Variants in PCDHGB6 observed in about 807,000 individuals in gnomAD.
The protein encoded by PCDHGB6 is protocadherin gamma-B6.
A neutral mutation model predicts 59.1 loss-of-function variants in PCDHGB6; 51 were observed. The ratio of observed to expected loss-of-function variants is 0.86; its 90% CI spans 0.69 to 1.09. The LOEUF is 1.09. PCDHGB6 is among the 50% of genes least tolerant of loss of function. The pLI is 0.00. For missense variants in PCDHGB6, 1,148 were observed against 1,205.1 expected, an observed-to-expected ratio of 0.95 and a Z score of 0.70; for synonymous variants, 466 against 495.1, an observed-to-expected ratio of 0.94 and a Z score of 0.78.
rs1219045744 is a variant in PCDHGB6 at position 141,476,783 on chromosome 5, G to T, written c.2419-18024G>T. The stretch of plus-strand genomic sequence containing the variant: ...GACGGCGTTGGACGGAGGGACCCCA[G>T]CTCTCTCCGCCAGCCTGCCTATTCA... On this transcript the variant is annotated intron_variant, in intron 1 of 3. Transcript: ENST00000520790. The surrounding 1 kb of genome is among the most constrained non-coding windows in gnomAD (Gnocchi z 7.6). 5 of 1,613,392 alleles carry T rather than the reference G, an allele frequency of 3.1e-6. No homozygotes were observed. The highest frequency in any genetic ancestry group is 2.7e-5 in the African/African-American group (2 of 74,930).
chr5:141,419,523 G>T (rs553587727), intron 1 of PCDHGB6: 21 of 1,612,086 alleles, frequency 1.3e-5, no homozygotes, highest in East Asian at 2.2e-5. Flanking sequence ...GTGGGCGACC[G>T]TAACGACAAC....
intron 1 of PCDHGB6, chr5:141,427,973 C>G (rs754410723): frequency 3.1e-6 from 5 of 1,593,936 alleles, no homozygotes; most frequent in Non-Finnish European, 3.4e-6. Flanking sequence ...TGCTGTACCC[C>G]GCGCTGGGGC....
intron 1 of PCDHGB6, among the ~76,000 whole-genome samples, chr5:141,459,755 G>A (rs1383912891): frequency 2.0e-5 from 3 of 152,182 alleles, no homozygotes; most frequent in African/African-American, 7.2e-5. Flanking sequence ...CAATTCTAGT[G>A]GGTGTGTGAT....
At chr5:141,451,004 T>A (rs2098704048) in intron 1 of PCDHGB6, among the ~76,000 whole-genome samples, 1 of 151,474 alleles carries the variant, frequency 6.6e-6, no homozygotes, top group South Asian at 2.1e-4. Flanking sequence ...TTTTTGTATT[T>A]TTTTTAGTAG....
intron 1 of PCDHGB6, among the ~76,000 whole-genome samples, chr5:141,475,556 T>A (rs1420756007): frequency 6.6e-6 from 1 of 152,248 alleles, no homozygotes; most frequent in Non-Finnish European, 1.5e-5. Context: ...CGGCTAATTG[T>A]CTGTCTTCCA....
intron 1 of PCDHGB6, chr5:141,417,942 C>T (rs1324501154): frequency 2.5e-6 from 4 of 1,613,090 alleles, no homozygotes; most frequent in South Asian, 1.1e-5. Context: ...TTCTACCCCA[C>T]GCTGTGTGAG....
Position 141,431,740 on chromosome 5 carries a change from T to C in PCDHGB6, c.2418+21120T>C. 6.2e-7 allele frequency: 1 copy of C among 1,614,230 alleles called. No individual in the cohort carries two copies. Among genetic ancestry groups the C allele is most frequent in the South Asian group, 1.1e-5 (1 of 91,088 alleles). On this transcript the variant is annotated intron_variant, in intron 1 of 3. Transcript: ENST00000520790. This position sits in a 1 kb window ranked among gnomAD's most constrained non-coding sequence, Gnocchi z 4.8. ...TGCAAGCAATGGATAATGCAGGATA[T>C]TCTGCGCGAGCCAAAGTCCTGATCA... is the stretch of plus-strand genomic sequence containing the variant.
chr5:141,466,037 G>T (rs1204301031), intron 1 of PCDHGB6, among the ~76,000 whole-genome samples: 1 of 152,056 alleles, frequency 6.6e-6, no homozygotes, highest in African/African-American at 2.4e-5. Flanking sequence ...CAGGAGAACG[G>T]CATGAACCCA....
chr5:141,450,826 A>ATTTTT (rs764729742), intron 1 of PCDHGB6, among the ~76,000 whole-genome samples: 2 of 134,302 alleles, frequency 1.5e-5, no homozygotes, highest in African/African-American at 2.9e-5. Flanking sequence ...TATTATTATT[A>ATTTTT]TTATTTTTTT....
intron 1 of PCDHGB6, among the ~76,000 whole-genome samples, chr5:141,425,497 CT>C (rs2096879671): frequency 6.6e-6 from 1 of 152,164 alleles, no homozygotes; most frequent in African/African-American, 2.4e-5. Context: ...TAGGCTATAC[CT>C]TTATATTCTC....
chr5:141,489,935 T>C lies in PCDHGB6; in HGVS notation c.2419-4872T>C. On this transcript the variant is annotated intron_variant, in intron 1 of 3. Coordinates refer to ENST00000520790, the MANE Select transcript of PCDHGB6 (RefSeq NM_018926.3). The surrounding 1 kb of genome is among the most constrained non-coding windows in gnomAD (Gnocchi z 4.5). ...GGGACCACCCTTATCTCTGTCATCG[T>C]GCTGGACATCAATGATAATGCTCCA... 1 of 1,614,216 alleles carries C rather than the reference T, an allele frequency of 6.2e-7. No individual in the cohort carries two copies.
At chr5:141,454,428 CAG>C (rs1412897540) in intron 1 of PCDHGB6, among the ~76,000 whole-genome samples, 1 of 152,172 alleles carries the variant, frequency 6.6e-6, no homozygotes, top group Admixed American at 6.5e-5. Flanking sequence ...TATTTAGAGA[CAG>C]AGTTTCACTC....
rs751024373 is a variant in PCDHGB6, at chr5:141,491,801, G to T, written c.2419-3006G>T. 1 of 1,500,844 alleles carries T rather than the reference G, an allele frequency of 6.7e-7. No homozygotes were observed. Among genetic ancestry groups the T allele is most frequent in the Non-Finnish European group, 8.9e-7 (1 of 1,125,292 alleles). 93.0% of individuals were successfully genotyped at this position (1,500,844 alleles called of 1,614,324 possible). ...AACTTGCATCCACTCCTCTCCGGCCGGCTTGGTCGCTGGCTGCGCTCCACC... is the reference window on the plus strand; with the variant it reads ...AACTTGCATCCACTCCTCTCCGGCCTGCTTGGTCGCTGGCTGCGCTCCACC... On this transcript the variant is annotated intron_variant, in intron 1 of 3. Transcript: ENST00000520790. This position sits in a 1 kb window ranked among gnomAD's most constrained non-coding sequence, Gnocchi z 6.9.
intron 1 of PCDHGB6, chr5:141,428,308 G>A (rs2097132099): frequency 1.5e-6 from 1 of 685,734 alleles, no homozygotes; most frequent in Non-Finnish European, 2.6e-6. Context: ...TTACCTGGTC[G>A]TGGCCTTGGC....
At chr5:141,507,447 G>A (rs998019159) in intron 3 of PCDHGB6, among the ~76,000 whole-genome samples, 1 of 152,226 alleles carries the variant, frequency 6.6e-6, no homozygotes, top group Non-Finnish European at 1.5e-5. Flanking sequence ...GCTGACGGAA[G>A]GACAGAGAGA....
In PCDHGB6 at chr5:141,476,802, C is replaced by T; in HGVS notation, c.2419-18005C>T. 2 of 1,613,638 alleles carry T rather than the reference C, an allele frequency of 1.2e-6. No homozygotes were observed. The highest frequency in any genetic ancestry group is 1.7e-6 in the Non-Finnish European group (2 of 1,180,020). On this transcript the variant is annotated intron_variant, in intron 1 of 3. Coordinates refer to ENST00000520790, the MANE Select transcript of PCDHGB6 (RefSeq NM_018926.3). The surrounding 1 kb of genome is among the most constrained non-coding windows in gnomAD (Gnocchi z 7.6). ...ACCCCAGCTCTCTCCGCCAGCCTGC[C>T]TATTCACATCAAGGTGCTGGACGCG... is the stretch of plus-strand genomic sequence containing the variant.
intron 3 of PCDHGB6, among the ~76,000 whole-genome samples, chr5:141,510,660 G>A (rs2099882170): frequency 1.3e-5 from 2 of 152,174 alleles, no homozygotes; most frequent in East Asian, 1.9e-4. Context: ...TTTTGCAGAT[G>A]AGAAAACTGA....
chr5:141,497,775 A>G (rs2099779384), intron 2 of PCDHGB6, among the ~76,000 whole-genome samples: 2 of 152,054 alleles, frequency 1.3e-5, no homozygotes, highest in South Asian at 4.2e-4. Context: ...CCCGACCTCA[A>G]CTGATCCACC....
In PCDHGB6 at chr5:141,408,193, C is replaced by T. The variant is rs1280310689; in HGVS notation, c.-10C>T. ...GAAAAGCGGGGACCCAGCGAGAACCCGAGCGAACGATGGGAGGGAGCTGCG... is the reference window on the plus strand; with the variant it reads ...GAAAAGCGGGGACCCAGCGAGAACCTGAGCGAACGATGGGAGGGAGCTGCG... On this transcript the variant is annotated 5_prime_UTR_variant, in exon 1 of 4. Coordinates refer to ENST00000520790, the MANE Select transcript of PCDHGB6 (RefSeq NM_018926.3). The T allele has an allele frequency of 6.5e-7, 1 of 1,545,210 alleles. No homozygotes were observed. The highest frequency in any genetic ancestry group is 8.7e-7 in the Non-Finnish European group (1 of 1,143,110).
Sources: allele counts gnomAD v4.1 joint callset (sites outside exome capture counted in the v4.1 genomes callset), GRCh38; gene constraint gnomAD v4.1.1; non-coding constraint Gnocchi (gnomAD v3.1); transcripts MANE v1.5; gene names NCBI Gene and HGNC (gene_info 2026-07-23, HGNC 2026-07-21).